Variants in GSK3B observed in about 807,000 individuals in gnomAD.
The protein encoded by GSK3B is glycogen synthase kinase 3 beta.
Under a neutral mutation model 56.4 loss-of-function variants are expected in GSK3B, and 15 were observed. That is an observed-to-expected ratio of 0.27 (90% CI 0.18 to 0.41). The LOEUF (loss-of-function observed/expected upper bound fraction) is 0.41, where lower values mean the gene tolerates loss of function less well. GSK3B is among the 10% of genes least tolerant of loss of function. GSK3B has a pLI of 1.00. For synonymous variants in GSK3B, 181 were observed against 188.9 expected, an observed-to-expected ratio of 0.96 and a Z score of 0.34; for missense variants, 300 against 513.4, an observed-to-expected ratio of 0.58 and a Z score of 4.02.
chr3:120,078,996 A>C (rs1408305139), intron 1 of GSK3B, among the ~76,000 whole-genome samples: 1 of 147,506 alleles, frequency 6.8e-6, no homozygotes, highest in Non-Finnish European at 1.5e-5. Flanking sequence ...GCTGGAGTAC[A>C]GTGGCACGGT....
chr3:120,072,654 A>AT (rs1156317226), intron 1 of GSK3B, among the ~76,000 whole-genome samples: 1 of 152,176 alleles, frequency 6.6e-6, no homozygotes, highest in African/African-American at 2.4e-5. Context: ...ACAATCAACT[A>AT]TGTATTACAA....
intron 9 of GSK3B, among the ~76,000 whole-genome samples, chr3:119,844,484 A>C (rs775192193): frequency 7.2e-5 from 11 of 152,220 alleles, no homozygotes; most frequent in Admixed American, 3.3e-4. Flanking sequence ...ACAATAAAAA[A>C]TGATAAAGGG....
chr3:119,898,018 C>T (rs967576524), intron 7 of GSK3B, among the ~76,000 whole-genome samples: 5 of 152,078 alleles, frequency 3.3e-5, no homozygotes, highest in African/African-American at 1.2e-4. Flanking sequence ...CAAACCCATA[C>T]ATAGTAAGCT....
intron 2 of GSK3B, among the ~76,000 whole-genome samples, chr3:119,953,525 C>T (rs763791370): frequency 5.3e-5 from 8 of 152,020 alleles, no homozygotes; most frequent in African/African-American, 1.2e-4. Context: ...AGAGATGGAG[C>T]GGCACATGTT....
chr3:119,912,779 C>T lies in GSK3B; in HGVS notation c.640G>A (p.Val214Ile). ...AKQLVRGEPN[V>I]SYICSRYYRA... ...TAGTACCGAGAACAGATATACGAAA[C>T]ATTGGGTTCTCCTCGGACCAGCTGC... Residue 214 changes from valine (V) to isoleucine (I), a missense_variant, in exon 6 of 11, where the codon GTT (valine) becomes ATT (isoleucine). Coordinates refer to ENST00000264235, the MANE Select transcript of GSK3B (RefSeq NM_001146156.2). 6.3e-7 allele frequency: 1 copy of T among 1,599,488 alleles called. No homozygotes were observed. The highest frequency in any genetic ancestry group is 8.6e-7 in the Non-Finnish European group (1 of 1,169,184).
At chr3:120,074,292 C>T (rs1344668985) in intron 1 of GSK3B, among the ~76,000 whole-genome samples, 1 of 150,634 alleles carries the variant, frequency 6.6e-6, no homozygotes, top group Non-Finnish European at 1.5e-5. Context: ...AGAGTGAGGC[C>T]CTGTCTCTAA....
chr3:119,954,014 GACACAC>G (rs1576225995), intron 2 of GSK3B, among the ~76,000 whole-genome samples: 2 of 152,086 alleles, frequency 1.3e-5, no homozygotes, highest in Admixed American at 6.5e-5. Context: ...CACAGACACA[GACACAC>G]ACTCACAAAC....
chr3:119,866,100 T>C (rs971283019), intron 8 of GSK3B, among the ~76,000 whole-genome samples: 9 of 152,290 alleles, frequency 5.9e-5, no homozygotes, highest in African/African-American at 2.2e-4. Flanking sequence ...ACAGTTCAGA[T>C]TTCTGACCAT....
At chr3:120,060,890 A>G (rs942397563) in intron 1 of GSK3B, among the ~76,000 whole-genome samples, 1 of 152,220 alleles carries the variant, frequency 6.6e-6, no homozygotes. Flanking sequence ...CAGTCAGTCA[A>G]TCTGTCCACC....
chr3:120,035,535 T>C (rs1284108595), intron 1 of GSK3B, among the ~76,000 whole-genome samples: 1 of 152,232 alleles, frequency 6.6e-6, no homozygotes, highest in Non-Finnish European at 1.5e-5. Flanking sequence ...AACTGGAATT[T>C]TGATAAACCA....
chr3:119,914,330 G>C (rs1386108325), intron 5 of GSK3B, among the ~76,000 whole-genome samples: 1 of 151,998 alleles, frequency 6.6e-6, no homozygotes, highest in African/African-American at 2.4e-5. Flanking sequence ...AAAAATCAGA[G>C]GGTTTATAAA....
At chr3:119,973,677 T>A (rs1485758245) in intron 2 of GSK3B, among the ~76,000 whole-genome samples, 1 of 152,236 alleles carries the variant, frequency 6.6e-6, no homozygotes, top group East Asian at 1.9e-4. Flanking sequence ...TCATATAACT[T>A]TTTTACAGTA....
At chr3:120,091,881 C>T (rs1576323216) in intron 1 of GSK3B, among the ~76,000 whole-genome samples, 1 of 152,050 alleles carries the variant, frequency 6.6e-6, no homozygotes, top group East Asian at 1.9e-4. Context: ...ACCTAGACTA[C>T]CCTGTTTCAG....
Position 119,825,562 on chromosome 3 carries a change from A to G in GSK3B, c.*1226T>C, listed in dbSNP as rs568461110. On this transcript the variant is annotated 3_prime_UTR_variant, in exon 11 of 11. Transcript: ENST00000264235. ...CAGCTTTCCTATAAAGTCAGCAGGT[A>G]TAAGTGACTGTATCATTCTGATGTG... The G allele has an allele frequency of 2.6e-5, 6 of 228,434 alleles. No individual in the cohort carries two copies. The highest frequency in any genetic ancestry group is 1.7e-4 in the Admixed American group (3 of 17,638). The allele number at this position is 228,434 out of a possible 1,614,324, so 14.2% of individuals were successfully genotyped here. A position where few individuals can be genotyped will look rare whatever the true frequency, so the allele number is the denominator to read the frequency against.
chr3:119,952,687 C>T (rs1344442976), intron 2 of GSK3B, among the ~76,000 whole-genome samples: 1 of 148,730 alleles, frequency 6.7e-6, no homozygotes, highest in Non-Finnish European at 1.5e-5. Flanking sequence ...GCCGACTAAT[C>T]ATCAGGAAAA....
chr3:119,867,875 GAATA>G, intron 8 of GSK3B, among the ~76,000 whole-genome samples: 1 of 152,164 alleles, frequency 6.6e-6, no homozygotes, highest in East Asian at 1.9e-4. Flanking sequence ...TGGCCCATCA[GAATA>G]AATTCTCTCA....
At chr3:119,922,441 T>C (rs2056852743) in intron 4 of GSK3B, among the ~76,000 whole-genome samples, 1 of 147,926 alleles carries the variant, frequency 6.8e-6, no homozygotes, top group Non-Finnish European at 1.5e-5. Flanking sequence ...ATACAATATA[T>C]AGTGTATATT....
chr3:120,007,125 C>T (rs1169506292), intron 1 of GSK3B, among the ~76,000 whole-genome samples: 1 of 152,116 alleles, frequency 6.6e-6, no homozygotes, highest in African/African-American at 2.4e-5. Context: ...TCAGAGAATA[C>T]TATAAACACC....
At chr3:120,024,167 C>CA (rs757041120) in intron 1 of GSK3B, among the ~76,000 whole-genome samples, 1 of 151,718 alleles carries the variant, frequency 6.6e-6, no homozygotes, top group Non-Finnish European at 1.5e-5. Context: ...ACTGTCTCTA[C>CA]AAAAAAAATT....
Sources: allele counts gnomAD v4.1 joint callset (sites outside exome capture counted in the v4.1 genomes callset), GRCh38; gene constraint gnomAD v4.1.1; transcripts MANE v1.5; gene names NCBI Gene and HGNC (gene_info 2026-07-23, HGNC 2026-07-21).